NELL2: variants seen among roughly 807,000 people sequenced by gnomAD.
The protein encoded by NELL2 is protein kinase C-binding protein NELL2.
A neutral mutation model predicts 109.6 loss-of-function variants in NELL2; 41 were observed. The ratio of observed to expected loss-of-function variants is 0.37; its 90% CI spans 0.29 to 0.49. NELL2 has a LOEUF of 0.49. NELL2 is among the 20% of genes least tolerant of loss of function. The pLI, the probability that NELL2 is intolerant of heterozygous loss-of-function variation, is 0.98. For missense variants in NELL2, 900 were observed against 1,008.3 expected, an observed-to-expected ratio of 0.89 and a Z score of 1.45; for synonymous variants, 355 against 344.7, an observed-to-expected ratio of 1.03 and a Z score of -0.33.
At chr12:44,818,556 C>A (rs1369140462) in intron 2 of NELL2, among the ~76,000 whole-genome samples, 1 of 152,092 alleles carries the variant, frequency 6.6e-6, no homozygotes, top group Non-Finnish European at 1.5e-5. Context: ...AAATGTGTGG[C>A]AGCTGCCTTA....
intron 12 of NELL2, 140 bp from the exon 13 acceptor site, chr12:44,665,749 G>A (rs1354235235): frequency 3.0e-6 from 3 of 990,616 alleles, no homozygotes; most frequent in East Asian, 2.6e-5. Context: ...TCCTTTGCTA[G>A]GAGTGTTTAA....
intron 12 of NELL2, among the ~76,000 whole-genome samples, chr12:44,669,770 C>T (rs1948074304): frequency 6.6e-6 from 1 of 151,950 alleles, no homozygotes; most frequent in African/African-American, 2.4e-5. Context: ...CTATAGGAAA[C>T]TATATAGTAA....
At chr12:44,893,573 G>A (rs1945560252) in intron 1 of NELL2, among the ~76,000 whole-genome samples, 1 of 152,076 alleles carries the variant, frequency 6.6e-6, no homozygotes, top group South Asian at 2.1e-4. Flanking sequence ...GAGGGTAGAG[G>A]GAGAGTTAGT....
intron 13 of NELL2, among the ~76,000 whole-genome samples, chr12:44,622,706 T>C (rs185141038): frequency 1.3e-5 from 2 of 152,244 alleles, no homozygotes; most frequent in African/African-American, 4.8e-5. Flanking sequence ...CCTTTAATCT[T>C]CCAACTTATA....
intron 9 of NELL2, among the ~76,000 whole-genome samples, chr12:44,769,303 T>G (rs1243563276): frequency 2.6e-5 from 4 of 152,166 alleles, no homozygotes; most frequent in South Asian, 4.1e-4. Flanking sequence ...TTACTCTTAC[T>G]TTTTATTATT....
rs543429384 is a variant in NELL2 at position 44,840,593 on chromosome 12, G to A, written c.185-24457C>T. ...CGGAGCTTGCAGTGAGCAGAGATGC[G>A]CCACTGCACTCCAGCCTGGGCGACA... On this transcript the variant is annotated intron_variant, in intron 2 of 19. Coordinates refer to ENST00000429094, the MANE Select transcript of NELL2 (RefSeq NM_001145108.2). Among the ~76,000 whole-genome samples the A allele has an allele frequency of 1.7e-4, 25 of 150,550 alleles. No individual in the cohort carries two copies. The South Asian group carries it at 4.0e-3, about 24-fold the overall frequency.
chr12:44,917,772 C>G (rs1945839355), upstream of NELL2, among the ~76,000 whole-genome samples: 1 of 152,268 alleles, frequency 6.6e-6, no homozygotes, highest in African/African-American at 2.4e-5. Context: ...GAGAGACTGT[C>G]CTGTGGGCTA....
chr12:44,774,346 C>A (rs916994795), intron 9 of NELL2, among the ~76,000 whole-genome samples: 1 of 152,140 alleles, frequency 6.6e-6, no homozygotes, highest in African/African-American at 2.4e-5. Flanking sequence ...GTTGTTTGGG[C>A]TAATGGAACA....
chr12:44,864,051 AT>A (rs1360658764), intron 2 of NELL2, among the ~76,000 whole-genome samples: 1 of 152,206 alleles, frequency 6.6e-6, no homozygotes, highest in Non-Finnish European at 1.5e-5. Context: ...AAAGAAAAAA[AT>A]CTACAATAGA....
chr12:44,616,080 C>A (rs988765109), intron 13 of NELL2, among the ~76,000 whole-genome samples: 2 of 152,124 alleles, frequency 1.3e-5, no homozygotes, highest in Non-Finnish European at 2.9e-5. Context: ...GCCCTAGAAA[C>A]ACTGTGCATT....
At chr12:44,651,407 A>C (rs1318745146) in intron 13 of NELL2, among the ~76,000 whole-genome samples, 1 of 152,168 alleles carries the variant, frequency 6.6e-6, no homozygotes, top group Non-Finnish European at 1.5e-5. Context: ...TGATCTAAAC[A>C]ATTTTTTCTG....
At chr12:44,669,951 T>C (rs989061475) in intron 12 of NELL2, among the ~76,000 whole-genome samples, 1 of 152,178 alleles carries the variant, frequency 6.6e-6, no homozygotes, top group Non-Finnish European at 1.5e-5. Flanking sequence ...AGGCACGTTA[T>C]AGTAAAACTG....
chr12:44,765,342 A>T (rs1485213913), intron 9 of NELL2, among the ~76,000 whole-genome samples: 5 of 152,148 alleles, frequency 3.3e-5, no homozygotes, highest in Non-Finnish European at 5.9e-5. Flanking sequence ...TCATTATGAA[A>T]GCAGCCGAGA....
At chr12:44,743,798 A>G (rs145197301) in intron 9 of NELL2, among the ~76,000 whole-genome samples, 1 of 152,236 alleles carries the variant, frequency 6.6e-6, no homozygotes, top group Non-Finnish European at 1.5e-5. Flanking sequence ...AGATTCATAA[A>G]GCAAATCCTT....
chr12:44,533,896 TGCCATAGCC>T (rs1942189728), intron 15 of NELL2, among the ~76,000 whole-genome samples: 1 of 26,930 alleles, frequency 3.7e-5, no homozygotes, highest in South Asian at 1.7e-3. Flanking sequence ...GATAGCCGTA[TGCCATAGCC>T]GAAGGTTCCA....
At chr12:44,757,402 C>A (rs531078937) in intron 9 of NELL2, among the ~76,000 whole-genome samples, 1 of 152,206 alleles carries the variant, frequency 6.6e-6, no homozygotes, top group South Asian at 2.1e-4. Flanking sequence ...CTTCCTAATG[C>A]TTTGGGGATA....
intron 9 of NELL2, among the ~76,000 whole-genome samples, chr12:44,741,853 A>T (rs1285578097): frequency 1.3e-5 from 2 of 152,236 alleles, no homozygotes; most frequent in African/African-American, 4.8e-5. Flanking sequence ...CAAGGAGGCC[A>T]GTCTGCCTCT....
intron 3 of NELL2, among the ~76,000 whole-genome samples, chr12:44,804,609 C>A (rs1232091406): frequency 6.6e-6 from 1 of 151,762 alleles, no homozygotes; most frequent in Non-Finnish European, 1.5e-5. Flanking sequence ...TAAATGAGCC[C>A]TTTGTAAAAT....
intron 13 of NELL2, among the ~76,000 whole-genome samples, chr12:44,663,858 C>T (rs1317523651): frequency 5.3e-5 from 8 of 152,166 alleles, no homozygotes; most frequent in Admixed American, 5.2e-4. Flanking sequence ...CATGTCCTTT[C>T]ACTTAAAATT....
Sources: allele counts gnomAD v4.1 joint callset (sites outside exome capture counted in the v4.1 genomes callset), GRCh38; gene constraint gnomAD v4.1.1; transcripts MANE v1.5; gene names NCBI Gene and HGNC (gene_info 2026-07-23, HGNC 2026-07-21).